The following PM20D2 variants were observed in gnomAD, a reference collection of about 807,000 sequenced individuals.
PM20D2 encodes xaa-Arg dipeptidase.
A neutral mutation model predicts 42.9 loss-of-function variants in PM20D2; 33 were observed. That is an observed-to-expected ratio of 0.77 (90% CI 0.58 to 1.03). The LOEUF is 1.03. Ranked by LOEUF, PM20D2 falls within the 50% of genes least tolerant of loss-of-function variation. The pLI is 0.00. For missense variants in PM20D2, 548 were observed against 557.0 expected (o/e 0.98, Z 0.16); for synonymous variants, 250 against 228.2 (o/e 1.10, Z -0.86).
At chr6:89,151,268 T>A (rs767324791) in intron 2 of PM20D2, among the ~76,000 whole-genome samples, 2 of 150,918 alleles carry the variant, frequency 1.3e-5, no homozygotes, top group Non-Finnish European at 2.9e-5. Context: ...TCTCGTTTTG[T>A]CACCCAGGCT....
At chr6:89,106,880 A>G in the PM20D2 span, 2 of 475,912 alleles carry the variant, frequency 4.2e-6, no homozygotes, top group South Asian at 1.6e-5. Context: ...AGGTCTTTAT[A>G]TCTGTGTCCA....
chr6:89,130,809 GCTT>G, the PM20D2 span, among the ~76,000 whole-genome samples: 8,454 of 86,946 alleles, frequency 0.097, 975 homozygotes, highest in South Asian at 0.15. Flanking sequence ...TTTGTATCTG[GCTT>G]CTTCTTCTTT....
chr6:89,150,818 G>T (rs1446293209), intron 2 of PM20D2, among the ~76,000 whole-genome samples: 1 of 151,418 alleles, frequency 6.6e-6, no homozygotes, highest in Non-Finnish European at 1.5e-5. Flanking sequence ...GGGGTTACAG[G>T]CATGAGCCAT....
At chr6:89,151,535 T>A (rs1042845046) in intron 2 of PM20D2, among the ~76,000 whole-genome samples, 8 of 152,172 alleles carry the variant, frequency 5.3e-5, no homozygotes, top group Non-Finnish European at 1.2e-4. Flanking sequence ...ACCACAAATT[T>A]CTAATGAATA....
chr6:89,100,044 G>T, the PM20D2 span, among the ~76,000 whole-genome samples: 3 of 152,088 alleles, frequency 2.0e-5, no homozygotes, highest in Non-Finnish European at 4.4e-5. Flanking sequence ...TTAATTCAGG[G>T]CTACCAAAAT....
At chr6:89,103,690 C>T in the PM20D2 span, among the ~76,000 whole-genome samples, 1 of 151,626 alleles carries the variant, frequency 6.6e-6, no homozygotes, top group Admixed American at 6.6e-5. Context: ...GAACTCCTGA[C>T]CTCAAGTAAT....
At chr6:89,107,822 G>A in the PM20D2 span, among the ~76,000 whole-genome samples, 2 of 152,104 alleles carry the variant, frequency 1.3e-5, no homozygotes, top group African/African-American at 4.8e-5. Flanking sequence ...ATGGATTAGA[G>A]GCTGGAAATC....
the PM20D2 span, among the ~76,000 whole-genome samples, chr6:89,137,068 A>T: frequency 6.6e-6 from 1 of 151,258 alleles, no homozygotes; most frequent in Non-Finnish European, 1.5e-5. Context: ...TTTCTCCTTT[A>T]TACACAGTTC....
In PM20D2 at chr6:89,162,749, TA is replaced by T. The variant is rs747588380; in HGVS notation, c.*487del. On this transcript the variant is annotated 3_prime_UTR_variant, in exon 7 of 7. Coordinates refer to ENST00000275072, the MANE Select transcript of PM20D2 (RefSeq NM_001010853.3). The stretch of plus-strand genomic sequence containing the variant: ...GTATATTAATTCCTCTACCAGATTG[TA>T]TATTTGAAGCCAGTGTCTTTCCTTT... 2 of 152,554 alleles carry T rather than the reference TA, an allele frequency of 1.3e-5. No individual in the cohort carries two copies. Among genetic ancestry groups the T allele is most frequent in the African/African-American group, 2.4e-5 (1 of 41,536 alleles). The allele number at this position is 152,554 out of a possible 1,614,324, so 9.5% of individuals were successfully genotyped here.
At chr6:89,109,746 C>T in the PM20D2 span, among the ~76,000 whole-genome samples, 1 of 152,102 alleles carries the variant, frequency 6.6e-6, no homozygotes, top group Non-Finnish European at 1.5e-5. Context: ...TGATCTACTT[C>T]AATATTCAAA....
the PM20D2 span, among the ~76,000 whole-genome samples, chr6:89,107,697 C>T: frequency 6.6e-6 from 1 of 152,100 alleles, no homozygotes; most frequent in Non-Finnish European, 1.5e-5. Context: ...GATCACACCA[C>T]TGCACTCCAT....
the PM20D2 span, chr6:89,099,040 T>TGTTATGTAAAG: frequency 7.2e-7 from 1 of 1,388,996 alleles, no homozygotes; most frequent in African/African-American, 1.5e-5. Context: ...TTACATAACA[T>TGTTATGTAAAG]TAGTTATATT....
At chr6:89,138,065 CTTT>C in the PM20D2 span, among the ~76,000 whole-genome samples, 1 of 144,758 alleles carries the variant, frequency 6.9e-6, no homozygotes. Flanking sequence ...TTCAAGATTT[CTTT>C]TTTTTTTTTT....
the PM20D2 span, among the ~76,000 whole-genome samples, chr6:89,100,269 T>A: frequency 2.6e-5 from 4 of 152,102 alleles, no homozygotes; most frequent in Admixed American, 6.6e-5. Flanking sequence ...GAGAGAGAGA[T>A]TAGAGTTCAA....
At chr6:89,113,595 C>T in the PM20D2 span, among the ~76,000 whole-genome samples, 1 of 152,158 alleles carries the variant, frequency 6.6e-6, no homozygotes, top group African/African-American at 2.4e-5. Context: ...AGATGTGAGC[C>T]ACCGTGCCAG....
the PM20D2 span, among the ~76,000 whole-genome samples, chr6:89,122,871 T>G: frequency 1.3e-5 from 2 of 152,230 alleles, no homozygotes; most frequent in Non-Finnish European, 2.9e-5. Flanking sequence ...ATGTGGGGAT[T>G]TGTATAGAAC....
intron 5 of PM20D2, among the ~76,000 whole-genome samples, chr6:89,159,501 A>G (rs551563388): frequency 1.3e-5 from 2 of 152,314 alleles, no homozygotes; most frequent in South Asian, 2.1e-4. Context: ...GTGGTACCAG[A>G]TGCTGGGTCT....
At chr6:89,157,316 C>A (rs142782079) in intron 4 of PM20D2, among the ~76,000 whole-genome samples, 1 of 152,010 alleles carries the variant, frequency 6.6e-6, no homozygotes, top group Admixed American at 6.6e-5. Context: ...TAATTTCTAC[C>A]GTAGATGTTG....
At chr6:89,136,253 G>A in the PM20D2 span, among the ~76,000 whole-genome samples, 76 of 151,226 alleles carry the variant, frequency 5.0e-4, no homozygotes, top group Admixed American at 4.2e-3. Flanking sequence ...ACCAAGAGAC[G>A]TCCTTACCAA....
Sources: gnomAD v4.1 joint callset for allele counts (sites outside exome capture counted in the v4.1 genomes callset) on GRCh38, gnomAD v4.1.1 for gene constraint, MANE v1.5 for transcripts, NCBI Gene and HGNC (gene_info 2026-07-23, HGNC 2026-07-21) for gene names.